The following ANKFY1 variants were observed in gnomAD, a reference collection of about 807,000 sequenced individuals.
ANKFY1 encodes ankyrin repeat and FYVE domain-containing protein 1.
Under a neutral mutation model 128.3 loss-of-function variants are expected in ANKFY1, and 47 were observed. That is an observed-to-expected ratio of 0.37 (90% CI 0.29 to 0.47). The LOEUF is 0.47. Ranked by LOEUF, ANKFY1 falls within the 20% of genes least tolerant of loss-of-function variation. The probability of loss-of-function intolerance (pLI) is 1.00; values close to 1 mark genes in which losing one functional copy is unlikely to be tolerated. For missense variants in ANKFY1, 1,222 were observed against 1,510.6 expected, an observed-to-expected ratio of 0.81 and a Z score of 3.17; for synonymous variants, 553 against 601.6, an observed-to-expected ratio of 0.92 and a Z score of 1.18.
In ANKFY1 at chr17:4,242,088, CA is replaced by C. The variant is rs34447049; in HGVS notation, c.203+167del. ...TGGGTAACAGAGCAGGACTCCAACT[CA>C]AAAAAAAAAAAAAAAATCTTGCCTC... On this transcript the variant is annotated intron_variant, in intron 2 of 24. Coordinates refer to ENST00000341657, the MANE Select transcript of ANKFY1 (RefSeq NM_001330063.2). Among the ~76,000 whole-genome samples, 115,695 of 132,460 alleles carry C rather than the reference CA, an allele frequency of 0.87. 51,426 individuals carry two copies. The highest frequency in any genetic ancestry group is 0.99 in the South Asian group (4,027 of 4,080). The allele number at this position is 132,460 out of a possible 152,430, so 86.9% of individuals were successfully genotyped here.
At chr17:4,191,102 C>T (rs867830661) in intron 10 of ANKFY1, 1 of 152,366 alleles carries the variant, frequency 6.6e-6, no homozygotes. Context: ...AGTCCCACCG[C>T]ACTCCAGCCT....
chr17:4,195,582 C>T lies in ANKFY1; in HGVS notation c.1104-111G>A, dbSNP rs1395123555. The T allele has an allele frequency of 2.2e-5, 18 of 802,490 alleles. No homozygotes were observed. The Admixed American group carries it at 3.5e-4, about 16-fold the overall frequency. The allele number at this position is 802,490 out of a possible 1,614,324, so 49.7% of individuals were successfully genotyped here. On this transcript the variant is annotated intron_variant, in intron 8 of 24. Transcript: ENST00000341657. The stretch of plus-strand genomic sequence containing the variant: ...GAATCACCACCCGCAAGAAATCCCA[C>T]ATTTCTACAAGGCTTCTAAAACCAT...
chr17:4,201,336 T>G (rs746090874), intron 7 of ANKFY1, among the ~76,000 whole-genome samples: 13 of 152,182 alleles, frequency 8.5e-5, no homozygotes, highest in Non-Finnish European at 1.5e-4. Context: ...CCAGGCCGAT[T>G]GTCTCTTTTT....
intron 10 of ANKFY1, among the ~76,000 whole-genome samples, chr17:4,191,544 A>C (rs2059717809): frequency 6.6e-6 from 1 of 150,664 alleles, no homozygotes; most frequent in South Asian, 2.1e-4. Flanking sequence ...TGGTTACTCT[A>C]ATCTGGAGAC....
At chr17:4,216,446 G>A (rs1253198806) in intron 4 of ANKFY1, 1 of 163,866 alleles carries the variant, frequency 6.1e-6, no homozygotes, top group Non-Finnish European at 1.4e-5. Flanking sequence ...ACTTGGGAGA[G>A]CAACAGAGAA....
In ANKFY1 at chr17:4,195,146, T is replaced by G; in HGVS notation, c.1204A>C (p.Ser402Arg). 1 of 1,611,912 alleles carries G rather than the reference T, an allele frequency of 6.2e-7. No homozygotes were observed. ...TGCACTGCCAGCCACAGAGCCGTGC[T>G]GCCCTCGTGGTCTTTGAGTTCTAAA... ...LDLELKDHEG[S>R]TALWLAVQHI... The change falls in exon 10 of 25, where the codon AGC becomes CGC. Residue 402 changes from serine to arginine, a missense_variant. Transcript: ENST00000341657.
At chr17:4,190,712 T>A (rs907096216) in intron 10 of ANKFY1, among the ~76,000 whole-genome samples, 4 of 152,232 alleles carry the variant, frequency 2.6e-5, no homozygotes, top group African/African-American at 9.6e-5. Flanking sequence ...TCTCTCTAAA[T>A]GGTTTTAGCC....
intron 6 of ANKFY1, among the ~76,000 whole-genome samples, chr17:4,207,275 G>C (rs780638646): frequency 6.6e-6 from 1 of 152,204 alleles, no homozygotes; most frequent in Non-Finnish European, 1.5e-5. Flanking sequence ...AACCAGAAGA[G>C]TAAGTCAGAG....
At position 4,169,485 on chromosome 17, in the gene ANKFY1, G is replaced by A. The variant is rs1435809048; in HGVS notation, c.3287-197C>T. The stretch of plus-strand genomic sequence containing the variant: ...GACTGGAGAATCAGCCCTTGCCCGG[G>A]AGACTTGGGGAGAAGGAAACGGTGG... On this transcript the variant is annotated intron_variant, in intron 23 of 24. Coordinates refer to ENST00000341657, the MANE Select transcript of ANKFY1 (RefSeq NM_001330063.2). The surrounding 1 kb of genome is among the most constrained non-coding windows in gnomAD (Gnocchi z 5.0). Among the ~76,000 whole-genome samples, 1 of 152,220 alleles carries A rather than the reference G, an allele frequency of 6.6e-6. No homozygotes were observed. The highest frequency in any genetic ancestry group is 1.5e-5 in the Non-Finnish European group (1 of 68,042).
At chr17:4,257,521 T>C (rs141254587) in intron 1 of ANKFY1, among the ~76,000 whole-genome samples, 46 of 152,316 alleles carry the variant, frequency 3.0e-4, no homozygotes, top group African/African-American at 8.9e-4. Flanking sequence ...CTCAATCTCA[T>C]GTCCCCATGT....
At chr17:4,261,349 G>A (rs1489062409) in intron 1 of ANKFY1, among the ~76,000 whole-genome samples, 4 of 152,298 alleles carry the variant, frequency 2.6e-5, no homozygotes, top group African/African-American at 7.2e-5. Flanking sequence ...GTATGATGGC[G>A]GGTGCCTGTA....
At chr17:4,217,418 C>T (rs1156236836) in intron 3 of ANKFY1, among the ~76,000 whole-genome samples, 1 of 152,082 alleles carries the variant, frequency 6.6e-6, no homozygotes, top group Non-Finnish European at 1.5e-5. Flanking sequence ...GGCCTGGTGG[C>T]GTGCACCTGT....
At chr17:4,241,570 A>C (rs1445730122) in intron 2 of ANKFY1, among the ~76,000 whole-genome samples, 2 of 151,640 alleles carry the variant, frequency 1.3e-5, no homozygotes, top group Non-Finnish European at 2.9e-5. Flanking sequence ...CACCGTGCCC[A>C]GCCCTGAGCT....
intron 4 of ANKFY1, among the ~76,000 whole-genome samples, chr17:4,215,483 G>T (rs2060206445): frequency 6.6e-6 from 1 of 152,028 alleles, no homozygotes; most frequent in Non-Finnish European, 1.5e-5. Flanking sequence ...CCCGTCGCTA[G>T]CACCCTTTCA....
At chr17:4,192,580 G>A (rs1035859060) in intron 10 of ANKFY1, among the ~76,000 whole-genome samples, 3 of 150,628 alleles carry the variant, frequency 2.0e-5, no homozygotes, top group African/African-American at 7.3e-5. Context: ...CTCTAATCTG[G>A]AGACTCCTAG....
chr17:4,228,619 G>A (rs2060465227), intron 3 of ANKFY1, among the ~76,000 whole-genome samples: 1 of 152,140 alleles, frequency 6.6e-6, no homozygotes, highest in Admixed American at 6.5e-5. Flanking sequence ...GTTTCGCCAT[G>A]TTAGCTAGGC....
intron 8 of ANKFY1, among the ~76,000 whole-genome samples, 155 bp downstream of exon 8, chr17:4,197,218 A>G (rs1322322902): frequency 6.6e-6 from 1 of 152,230 alleles, no homozygotes; most frequent in Non-Finnish European, 1.5e-5. Flanking sequence ...TAGTAGTGAC[A>G]CTACTACTAC....
At chr17:4,236,080 A>G (rs1009940108) in intron 2 of ANKFY1, among the ~76,000 whole-genome samples, 190 bp from the exon 3 acceptor site, 10 of 152,336 alleles carry the variant, frequency 6.6e-5, no homozygotes, top group African/African-American at 2.4e-4. Context: ...GTTGCTAGAA[A>G]TGTTTTCTAT....
At chr17:4,197,269 A>G (rs1174770699) in intron 8 of ANKFY1, 104 bp downstream of exon 8, 2 of 1,214,942 alleles carry the variant, frequency 1.6e-6, no homozygotes, top group East Asian at 2.4e-5. Context: ...AGACTGAATA[A>G]TGCCAAACTA....
Sources: allele counts gnomAD v4.1 joint callset (sites outside exome capture counted in the v4.1 genomes callset), GRCh38; gene constraint gnomAD v4.1.1; non-coding constraint Gnocchi (gnomAD v3.1); transcripts MANE v1.5; gene names NCBI Gene and HGNC (gene_info 2026-07-23, HGNC 2026-07-21).